WWOX: variants seen among roughly 807,000 people sequenced by gnomAD.
WWOX encodes WW domain-containing oxidoreductase.
In WWOX, 69 loss-of-function variants were observed where a neutral mutation model predicts 46.2. That is an observed-to-expected ratio of 1.49 (90% CI 1.23 to 1.82). WWOX has a LOEUF of 1.82. WWOX is among the 40% of genes most tolerant of loss of function. WWOX has a pLI of 0.00. For synonymous variants in WWOX, 359 were observed against 202.6 expected, an observed-to-expected ratio of 1.77 and a Z score of -6.56; for missense variants, 919 against 542.6, an observed-to-expected ratio of 1.69 and a Z score of -6.89.
intron 5 of WWOX, among the ~76,000 whole-genome samples, chr16:78,252,531 T>C (rs1003954153): frequency 6.6e-6 from 1 of 152,232 alleles, no homozygotes; most frequent in Non-Finnish European, 1.5e-5. Flanking sequence ...GCAAACACTT[T>C]TCCCAGATGG....
intron 8 of WWOX, among the ~76,000 whole-genome samples, chr16:79,137,838 G>A (rs1020680840): frequency 5.9e-5 from 9 of 151,996 alleles, no homozygotes; most frequent in African/African-American, 1.9e-4. Context: ...TTCTGGCCCC[G>A]TCCTGGGGAG....
At chr16:78,810,681 T>C (rs961954680) in intron 8 of WWOX, among the ~76,000 whole-genome samples, 13 of 152,222 alleles carry the variant, frequency 8.5e-5, no homozygotes, top group Non-Finnish European at 1.9e-4. Context: ...CTAATGCTGA[T>C]TGAAGCGGGC....
At chr16:78,934,508 C>CAAAAAAAAAAAAAA (rs760272326) in intron 8 of WWOX, among the ~76,000 whole-genome samples, 1 of 73,906 alleles carries the variant, frequency 1.4e-5, no homozygotes, top group Non-Finnish European at 2.5e-5. Flanking sequence ...AACCCTGTAT[C>CAAAAAAAAAAAAAA]AAAAAAAAAA....
intron 5 of WWOX, among the ~76,000 whole-genome samples, chr16:78,282,975 G>A (rs1473441854): frequency 1.3e-5 from 2 of 151,992 alleles, no homozygotes; most frequent in Admixed American, 6.6e-5. Flanking sequence ...GGAAGCTCTG[G>A]AGGGTGAATT....
intron 8 of WWOX, among the ~76,000 whole-genome samples, chr16:78,887,516 C>T (rs72804718): frequency 0.44 from 56,475 of 127,288 alleles, 11,702 homozygotes; most frequent in East Asian, 0.56. Context: ...CACACACACA[C>T]ACAAGAAATG....
chr16:78,397,115 C>T (rs1030472890), intron 6 of WWOX, among the ~76,000 whole-genome samples: 5 of 152,116 alleles, frequency 3.3e-5, no homozygotes, highest in Non-Finnish European at 7.3e-5. Context: ...TTTGAAGAAA[C>T]TCCCCCATGA....
intron 8 of WWOX, among the ~76,000 whole-genome samples, chr16:79,006,921 A>G (rs1273406198): frequency 2.0e-5 from 3 of 152,164 alleles, no homozygotes; most frequent in South Asian, 2.1e-4. Flanking sequence ...ACCCAGAATC[A>G]TCTTCCTCTT....
intron 8 of WWOX, among the ~76,000 whole-genome samples, chr16:78,492,776 T>C (rs956028857): frequency 6.6e-6 from 1 of 152,134 alleles, no homozygotes; most frequent in Non-Finnish European, 1.5e-5. Flanking sequence ...CATCAAGGTG[T>C]GTTTGTTTTC....
rs1005090795 is a variant in WWOX, at chr16:78,561,871, C to G, written c.1056+129119C>G. Among the ~76,000 whole-genome samples, 5 of 152,270 alleles carry G rather than the reference C, an allele frequency of 3.3e-5. 1 individual carries two copies. The highest frequency in any genetic ancestry group is 2.6e-4 in the Admixed American group (4 of 15,294). On this transcript the variant is annotated intron_variant, in intron 8 of 8. Transcript: ENST00000566780. ...TGGAAGTGAATTGAAAATAGTTGGT[C>G]TCTTGAGTGACCTGATGCAACTCAT...
intron 8 of WWOX, among the ~76,000 whole-genome samples, chr16:78,768,544 T>G (rs1274023658): frequency 1.3e-5 from 2 of 150,476 alleles, no homozygotes; most frequent in Non-Finnish European, 2.9e-5. Context: ...GAGCGGAGAC[T>G]GCGCCGCTGC....
At chr16:78,210,734 G>A (rs1184336430) in intron 5 of WWOX, among the ~76,000 whole-genome samples, 2 of 152,170 alleles carry the variant, frequency 1.3e-5, no homozygotes, top group African/African-American at 4.8e-5. Flanking sequence ...GCATTTCAGA[G>A]GGTGGCCAAG....
At chr16:79,074,350 C>G (rs78996966) in intron 8 of WWOX, among the ~76,000 whole-genome samples, 1 of 146,686 alleles carries the variant, frequency 6.8e-6, no homozygotes, top group African/African-American at 2.5e-5. Flanking sequence ...CATCTGACTT[C>G]CTAAAACCAC....
intron 8 of WWOX, among the ~76,000 whole-genome samples, chr16:78,856,316 A>G (rs932078868): frequency 7.2e-5 from 11 of 152,286 alleles, no homozygotes; most frequent in Non-Finnish European, 7.3e-5. Context: ...GCAGGGAGTA[A>G]CAGGCTTGTA....
chr16:78,239,394 G>A (rs2037551984), intron 5 of WWOX, among the ~76,000 whole-genome samples: 4 of 152,164 alleles, frequency 2.6e-5, no homozygotes, highest in Non-Finnish European at 4.4e-5. Flanking sequence ...AGACCCTGAT[G>A]GAGAACTGGG....
chr16:78,771,820 G>C (rs1008570281), intron 8 of WWOX, among the ~76,000 whole-genome samples: 1 of 151,434 alleles, frequency 6.6e-6, no homozygotes, highest in African/African-American at 2.4e-5. Context: ...AATAAGAGTT[G>C]GATCACAGCA....
intron 5 of WWOX, among the ~76,000 whole-genome samples, chr16:78,222,839 G>A (rs1324698014): frequency 6.6e-6 from 1 of 152,234 alleles, no homozygotes. Flanking sequence ...ACGCGCTCCA[G>A]ATAAGTAATC....
intron 4 of WWOX, among the ~76,000 whole-genome samples, chr16:78,148,730 T>C (rs892576316): frequency 3.5e-4 from 53 of 151,820 alleles, no homozygotes; most frequent in African/African-American, 1.0e-3. Flanking sequence ...ACCCCGTCTC[T>C]ACTAAAAATA....
intron 8 of WWOX, among the ~76,000 whole-genome samples, chr16:78,558,862 C>T (rs767271112): frequency 1.5e-4 from 23 of 152,220 alleles, no homozygotes; most frequent in Admixed American, 2.6e-4. Flanking sequence ...CTTCTCTCTA[C>T]AACCTTCAGT....
intron 8 of WWOX, among the ~76,000 whole-genome samples, chr16:78,690,381 T>C (rs566275138): frequency 7.2e-5 from 11 of 152,086 alleles, no homozygotes; most frequent in Non-Finnish European, 5.9e-5. Context: ...TGAGACCCCG[T>C]ATCTACAAAA....
Sources: gnomAD v4.1 joint callset for allele counts (sites outside exome capture counted in the v4.1 genomes callset) on GRCh38, gnomAD v4.1.1 for gene constraint, MANE v1.5 for transcripts, NCBI Gene and HGNC (gene_info 2026-07-23, HGNC 2026-07-21) for gene names.